The following PLEKHG1 variants were observed in gnomAD, a reference collection of about 807,000 sequenced individuals.
The protein encoded by PLEKHG1 is pleckstrin homology and RhoGEF domain containing G1, also known as pleckstrin homology domain-containing family G member 1.
Under a neutral mutation model 100.8 loss-of-function variants are expected in PLEKHG1, and 44 were observed. That is an observed-to-expected ratio of 0.44 (90% CI 0.34 to 0.56). PLEKHG1 has a LOEUF of 0.56. Among genes scored for constraint, PLEKHG1 ranks in the 20% least tolerant of loss-of-function variants. The probability of loss-of-function intolerance (pLI) is 0.01; values close to 1 mark genes in which losing one functional copy is unlikely to be tolerated. For synonymous variants in PLEKHG1, 640 were observed against 662.5 expected, an observed-to-expected ratio of 0.97 and a Z score of 0.52; for missense variants, 1,545 against 1,720.9, an observed-to-expected ratio of 0.90 and a Z score of 1.81.
In PLEKHG1 at chr6:150,793,826, A is replaced by G. The variant is rs555321416; in HGVS notation, c.583-2030A>G. Among the ~76,000 whole-genome samples the G allele has an allele frequency of 8.5e-5, 13 of 152,320 alleles. No homozygotes were observed. In the South Asian group the frequency reaches 1.0e-3, roughly 12 times the overall value. On this transcript the variant is annotated intron_variant, in intron 4 of 15. Coordinates refer to ENST00000358517, the Ensembl canonical transcript of PLEKHG1. The stretch of plus-strand genomic sequence containing the variant: ...GCCAGGCGTGGTGGCTCATGCCTGC[A>G]ATCCCAGCACTTTGGGATGCCAAGG...
chr6:150,684,448 A>G (rs746660366), intron 3 of PLEKHG1, among the ~76,000 whole-genome samples: 24 of 152,164 alleles, frequency 1.6e-4, no homozygotes, highest in Non-Finnish European at 2.8e-4. Context: ...TGAAATTTCA[A>G]CTGGCTCCAT....
At chr6:150,651,328 A>T (rs916772654) in intron 3 of PLEKHG1, 1 of 152,030 alleles carries the variant, frequency 6.6e-6, no homozygotes, top group African/African-American at 2.4e-5. Context: ...CCTCCTCCCG[A>T]TTTGAAGTGA....
chr6:150,739,694 C>A (rs1018153984), intron 2 of PLEKHG1, among the ~76,000 whole-genome samples: 13 of 151,482 alleles, frequency 8.6e-5, no homozygotes, highest in Admixed American at 5.3e-4. Context: ...ACAAAAAAAA[C>A]CATAAGTATT....
chr6:150,841,784 C>A (rs1454043362), exon 16 of PLEKHG1: 1 of 152,210 alleles, frequency 6.6e-6, no homozygotes, highest in Non-Finnish European at 1.5e-5. Flanking sequence ...CTAATCGATA[C>A]AAAGTTAAGC....
chr6:150,610,442 C>T (rs1776776234), intron 1 of PLEKHG1, among the ~76,000 whole-genome samples: 1 of 152,314 alleles, frequency 6.6e-6, no homozygotes, highest in African/African-American at 2.4e-5. Context: ...GTAACCATTT[C>T]GTTGTCCACC....
intron 3 of PLEKHG1, among the ~76,000 whole-genome samples, chr6:150,778,339 G>A (rs529155393): frequency 1.3e-5 from 2 of 152,128 alleles, no homozygotes; most frequent in Non-Finnish European, 2.9e-5. Context: ...TGTTGGCCAG[G>A]TTGGTCTCAA....
rs1777475561 is a variant in PLEKHG1, at chr6:150,625,605, G to A, written c.-203-12475G>A. ...CCTCCTGGGTTCAAGTGATTCTCCT[G>A]CCTCAGCCTCCTGAGTAGCTGGGAT... is the stretch of plus-strand genomic sequence containing the variant. On this transcript the variant is annotated intron_variant, in intron 1 of 3. Transcript: ENST00000367326. 2.0e-5 allele frequency: 3 copies of A among 152,098 alleles called. No homozygotes were observed. The South Asian group carries it at 6.2e-4, about 32-fold the overall frequency. 9.4% of individuals were successfully genotyped at this position (152,098 alleles called of 1,614,324 possible).
intron 3 of PLEKHG1, among the ~76,000 whole-genome samples, chr6:150,678,911 T>C (rs1779846251): frequency 1.3e-5 from 2 of 152,232 alleles, no homozygotes; most frequent in African/African-American, 2.4e-5. Context: ...ATCACTGATA[T>C]TGCAGTTTTA....
At chr6:150,827,476 A>G (rs1478519576) in intron 14 of PLEKHG1, among the ~76,000 whole-genome samples, 3 of 151,820 alleles carry the variant, frequency 2.0e-5, no homozygotes, top group Non-Finnish European at 4.4e-5. Context: ...GGGTTTCTTC[A>G]TGTTGGTCAG....
intron 7 of PLEKHG1, 41 bp from the exon 9 acceptor site, chr6:150,809,064 T>C (rs773004643): frequency 9.5e-6 from 15 of 1,575,816 alleles, no homozygotes; most frequent in Non-Finnish European, 3.5e-6. Flanking sequence ...GGTGCCTGGC[T>C]TCTGCCTCCT....
chr6:150,795,258 C>T lies in PLEKHG1; in HGVS notation c.583-598C>T, dbSNP rs542190468. 1.5e-4 allele frequency among the ~76,000 whole-genome samples: 23 copies of T among 152,148 alleles called. No individual in the cohort carries two copies. The South Asian group carries it at 4.4e-3, about 29-fold the overall frequency. On this transcript the variant is annotated intron_variant, in intron 4 of 15. Coordinates refer to ENST00000358517, the Ensembl canonical transcript of PLEKHG1. ...ACAAAAAACTAGCTGGGCGCGGTGA[C>T]GCATGCCTGTAATCCCAGCTACTCA... is the stretch of plus-strand genomic sequence containing the variant.
chr6:150,727,503 C>T (rs374853613), intron 1 of PLEKHG1, among the ~76,000 whole-genome samples: 36 of 152,096 alleles, frequency 2.4e-4, no homozygotes, highest in African/African-American at 8.4e-4. Context: ...CCAATGTTTT[C>T]ACCCAGAAAA....
At chr6:150,773,035 A>G (rs923227276) in intron 3 of PLEKHG1, among the ~76,000 whole-genome samples, 1 of 152,164 alleles carries the variant, frequency 6.6e-6, no homozygotes, top group Admixed American at 6.6e-5. Context: ...GACTAAGTAT[A>G]CTTTTTATAG....
At chr6:150,615,595 A>G (rs138445682) in intron 1 of PLEKHG1, among the ~76,000 whole-genome samples, 1 of 152,242 alleles carries the variant, frequency 6.6e-6, no homozygotes, top group Non-Finnish European at 1.5e-5. Flanking sequence ...AGAAAATACT[A>G]TACAGATATA....
At chr6:150,685,739 G>A (rs1780106059) in intron 3 of PLEKHG1, among the ~76,000 whole-genome samples, 1 of 152,132 alleles carries the variant, frequency 6.6e-6, no homozygotes, top group African/African-American at 2.4e-5. Flanking sequence ...TTGGTAAATT[G>A]TAGTTTTATT....
At chr6:150,767,206 T>C (rs1366412823) in intron 2 of PLEKHG1, among the ~76,000 whole-genome samples, 1 of 152,176 alleles carries the variant, frequency 6.6e-6, no homozygotes, top group Non-Finnish European at 1.5e-5. Flanking sequence ...CCATTTGTTT[T>C]TCTTTTTTGG....
chr6:150,649,933 G>A (rs532153539), intron 2 of PLEKHG1, among the ~76,000 whole-genome samples: 30 of 152,094 alleles, frequency 2.0e-4, no homozygotes, highest in South Asian at 4.2e-4. Flanking sequence ...AATGGCGTGA[G>A]CCTGGGAGGC....
chr6:150,709,415 G>A (rs1006550623), intron 3 of PLEKHG1, among the ~76,000 whole-genome samples: 19 of 152,184 alleles, frequency 1.2e-4, no homozygotes, highest in Non-Finnish European at 2.4e-4. Context: ...GCATCAACCT[G>A]TGGTTATCTG....
chr6:150,812,415 T>G (rs1787583757), intron 10 of PLEKHG1, among the ~76,000 whole-genome samples: 1 of 152,032 alleles, frequency 6.6e-6, no homozygotes, highest in African/African-American at 2.4e-5. Context: ...GGAGGATGTC[T>G]GAGGAGAAGG....
Sources: gnomAD v4.1 joint callset for allele counts (sites outside exome capture counted in the v4.1 genomes callset) on GRCh38, gnomAD v4.1.1 for gene constraint, MANE v1.5 for transcripts, NCBI Gene and HGNC (gene_info 2026-07-23, HGNC 2026-07-21) for gene names.